Variants in SPSB1 observed in about 807,000 individuals in gnomAD.
The protein encoded by SPSB1 is SPRY domain-containing SOCS box protein 1.
Under a neutral mutation model 21.2 loss-of-function variants are expected in SPSB1, and 8 were observed. The ratio of observed to expected loss-of-function variants is 0.38; its 90% CI spans 0.22 to 0.68. The LOEUF (loss-of-function observed/expected upper bound fraction) is 0.68. Ranked by LOEUF, SPSB1 falls within the 30% of genes least tolerant of loss-of-function variation. SPSB1 has a pLI of 0.53. For missense variants in SPSB1, 242 were observed against 377.8 expected (o/e 0.64, Z 2.98); for synonymous variants, 169 against 161.7 (o/e 1.05, Z -0.34).
At chr1:9,307,164 G>C (rs1639430356) in intron 1 of SPSB1, among the ~76,000 whole-genome samples, 1 of 152,126 alleles carries the variant, frequency 6.6e-6, no homozygotes, top group South Asian at 2.1e-4. Context: ...CTGACCTCAG[G>C]TGATCTGCCC....
intron 1 of SPSB1, among the ~76,000 whole-genome samples, chr1:9,326,086 C>G (rs1347225870): frequency 6.6e-6 from 1 of 151,824 alleles, no homozygotes. Flanking sequence ...GTTCATCTGT[C>G]CCCAGGAGGG....
At chr1:9,310,067 G>T in intron 1 of SPSB1, among the ~76,000 whole-genome samples, 1 of 152,092 alleles carries the variant, frequency 6.6e-6, no homozygotes, top group Non-Finnish European at 1.5e-5. Context: ...GGGGGATGGT[G>T]AGGGGCCTGT....
At chr1:9,359,896 G>A (rs969628965) in intron 2 of SPSB1, among the ~76,000 whole-genome samples, 9 of 151,956 alleles carry the variant, frequency 5.9e-5, no homozygotes, top group Non-Finnish European at 1.5e-5. Context: ...CTTTGGAATG[G>A]GCTCATCCAT....
At position 9,345,707 on chromosome 1, in the gene SPSB1, G is replaced by C. The variant is rs1453066614; in HGVS notation, c.-149-10036G>C. Among the ~76,000 whole-genome samples the C allele has an allele frequency of 6.6e-6, 1 of 152,214 alleles. No individual in the cohort carries two copies. Among genetic ancestry groups the C allele is most frequent in the African/African-American group, 2.4e-5 (1 of 41,446 alleles). On this transcript the variant is annotated intron_variant, in intron 1 of 2. Coordinates refer to ENST00000328089, the MANE Select transcript of SPSB1 (RefSeq NM_025106.4). This position sits in a 1 kb window ranked among gnomAD's most constrained non-coding sequence, Gnocchi z 4.8. Reference sequence around the variant, plus strand: ...TGTGAGTCATCTGGGCCCTTCCATAGGTGTTTACAGCAGGTGCATTTTGGG... The same window carrying C: ...TGTGAGTCATCTGGGCCCTTCCATACGTGTTTACAGCAGGTGCATTTTGGG...
intron 1 of SPSB1, chr1:9,339,311 T>C: frequency 1.0e-6 from 1 of 985,258 alleles, no homozygotes; most frequent in African/African-American, 1.7e-5. Context: ...GCCAGCCACA[T>C]GTGGGTGGTC....
At chr1:9,295,940 A>G (rs1639217476) in intron 1 of SPSB1, among the ~76,000 whole-genome samples, 1 of 152,106 alleles carries the variant, frequency 6.6e-6, no homozygotes, top group Non-Finnish European at 1.5e-5. Context: ...CAGTCTGCCC[A>G]GGGGTGTGTT....
intron 1 of SPSB1, chr1:9,294,478 A>T (rs1039240763): frequency 1.3e-5 from 2 of 151,898 alleles, no homozygotes; most frequent in African/African-American, 4.8e-5. Flanking sequence ...GGCCACAGAC[A>T]CCCCACTAGG....
intron 1 of SPSB1, among the ~76,000 whole-genome samples, chr1:9,328,491 G>A (rs138767151): frequency 4.6e-5 from 7 of 152,206 alleles, no homozygotes; most frequent in African/African-American, 1.7e-4. Context: ...TTAAGAATCC[G>A]TCAAGGCCAC....
At chr1:9,365,529 C>T (rs969657739) in intron 2 of SPSB1, among the ~76,000 whole-genome samples, 1 of 151,984 alleles carries the variant, frequency 6.6e-6, no homozygotes, top group Admixed American at 6.6e-5. Context: ...CCTTACAATT[C>T]ACCCATTAAA....
In SPSB1 at chr1:9,321,776, C is replaced by T. The variant is rs1639725713; in HGVS notation, c.-150+28705C>T. 6.6e-6 allele frequency among the ~76,000 whole-genome samples: 1 copy of T among 152,144 alleles called. No homozygotes were observed. Among genetic ancestry groups the T allele is most frequent in the African/African-American group, 2.4e-5 (1 of 41,422 alleles). ...TCTGAGTCGGTGGAGGAGGAGGACT[C>T]TGAGAGGCTGGGAGACTGGCCAGGG... On this transcript the variant is annotated intron_variant, in intron 1 of 2. Transcript: ENST00000328089. This position sits in a 1 kb window ranked among gnomAD's most constrained non-coding sequence, Gnocchi z 4.8.
At chr1:9,299,698 T>C (rs925453200) in intron 1 of SPSB1, among the ~76,000 whole-genome samples, 1 of 152,152 alleles carries the variant, frequency 6.6e-6, no homozygotes, top group African/African-American at 2.4e-5. Context: ...AGGCTGGTCT[T>C]GAACTCCTGA....
intron 1 of SPSB1, among the ~76,000 whole-genome samples, chr1:9,336,561 A>G (rs1640006683): frequency 6.6e-6 from 1 of 152,150 alleles, no homozygotes; most frequent in Non-Finnish European, 1.5e-5. Flanking sequence ...CCCCAAAGCA[A>G]AAGGAAGAAA....
At chr1:9,307,212 G>A (rs1639431799) in intron 1 of SPSB1, among the ~76,000 whole-genome samples, 2 of 152,212 alleles carry the variant, frequency 1.3e-5, no homozygotes, top group Admixed American at 1.3e-4. Flanking sequence ...ACAGGCATGA[G>A]CCACTGTGCC....
chr1:9,355,763 G>A lies in SPSB1; in HGVS notation c.-129G>A, dbSNP rs1640351342. The stretch of plus-strand genomic sequence containing the variant: ...ATTAGGCAATACTGAACACTGCGCA[G>A]CTTGCAGAGGTCTCCTGGCAGCCCT... On this transcript the variant is annotated 5_prime_UTR_variant, in exon 2 of 3. Coordinates refer to ENST00000328089, the MANE Select transcript of SPSB1 (RefSeq NM_025106.4). 2 of 1,481,500 alleles carry A rather than the reference G, an allele frequency of 1.3e-6. No individual in the cohort carries two copies. The highest frequency in any genetic ancestry group is 2.8e-5 in the African/African-American group (2 of 71,282). 91.8% of individuals were successfully genotyped at this position (1,481,500 alleles called of 1,614,324 possible). A position where few individuals can be genotyped will look rare whatever the true frequency, so the allele number is the denominator to read the frequency against.
Position 9,321,402 on chromosome 1 carries a change from C to T in SPSB1, c.-150+28331C>T, listed in dbSNP as rs1469632344. Among the ~76,000 whole-genome samples, 3 of 152,124 alleles carry T rather than the reference C, an allele frequency of 2.0e-5. No homozygotes were observed. The highest frequency in any genetic ancestry group is 2.9e-5 in the Non-Finnish European group (2 of 68,030). ...TCCAGGGCCCATTCTTGGGAGAGAGCGGATCCTGTGTGATTTTACGGAACT... is the reference window on the plus strand; with the variant it reads ...TCCAGGGCCCATTCTTGGGAGAGAGTGGATCCTGTGTGATTTTACGGAACT... On this transcript the variant is annotated intron_variant, in intron 1 of 2. Coordinates refer to ENST00000328089, the MANE Select transcript of SPSB1 (RefSeq NM_025106.4). This position sits in a 1 kb window ranked among gnomAD's most constrained non-coding sequence, Gnocchi z 4.8.
Position 9,293,180 on chromosome 1 carries a change from C to T in SPSB1, c.-150+109C>T. On this transcript the variant is annotated intron_variant, in intron 1 of 2. Transcript: ENST00000328089. This position sits in a 1 kb window ranked among gnomAD's most constrained non-coding sequence, Gnocchi z 5.1. ...ACGCGGGGATCGCGCCGCTGGGGGACCGAGTGGGTGGCGCGGGGCCGGGCG... is the reference window on the plus strand; with the variant it reads ...ACGCGGGGATCGCGCCGCTGGGGGATCGAGTGGGTGGCGCGGGGCCGGGCG... 3.1e-6 allele frequency: 3 copies of T among 962,774 alleles called. No individual in the cohort carries two copies. The highest frequency in any genetic ancestry group is 1.8e-5 in the African/African-American group (1 of 56,258). 59.6% of individuals were successfully genotyped at this position (962,774 alleles called of 1,614,324 possible). A position where few individuals can be genotyped will look rare whatever the true frequency, so the allele number is the denominator to read the frequency against.
rs1202067134 is a variant in SPSB1 at position 9,369,205 on chromosome 1, G to A, written c.*1630G>A. 6.7e-6 allele frequency: 1 copy of A among 149,038 alleles called. No homozygotes were observed. The highest frequency in any genetic ancestry group is 1.5e-5 in the Non-Finnish European group (1 of 67,026). The allele number at this position is 149,038 out of a possible 1,614,324, so 9.2% of individuals were successfully genotyped here. On this transcript the variant is annotated 3_prime_UTR_variant, in exon 3 of 3. Coordinates refer to ENST00000328089, the MANE Select transcript of SPSB1 (RefSeq NM_025106.4). ...ACATTACCCCCTTATTATTTTGACG[G>A]TTTTTTTTTTCGGGGCAGGGGACCT...
At chr1:9,341,719 T>G (rs888483043) in intron 1 of SPSB1, among the ~76,000 whole-genome samples, 6 of 152,192 alleles carry the variant, frequency 3.9e-5, no homozygotes, top group African/African-American at 1.4e-4. Context: ...TTTGTTTTTT[T>G]GAGACGGGGT....
intron 1 of SPSB1, among the ~76,000 whole-genome samples, chr1:9,332,772 G>A (rs1011324144): frequency 2.0e-5 from 3 of 152,190 alleles, no homozygotes; most frequent in African/African-American, 4.8e-5. Flanking sequence ...GTAGAGAGAG[G>A]ATGCTTGTTT....
Sources: gnomAD v4.1 joint callset for allele counts (sites outside exome capture counted in the v4.1 genomes callset) on GRCh38, gnomAD v4.1.1 for gene constraint, Gnocchi (gnomAD v3.1) non-coding constraint, MANE v1.5 for transcripts, NCBI Gene and HGNC (gene_info 2026-07-23, HGNC 2026-07-21) for gene names.